Variants in MLLT3 observed in about 807,000 individuals in gnomAD.
MLLT3 encodes the protein MLLT3 super elongation complex subunit.
Under a neutral mutation model 53.2 loss-of-function variants are expected in MLLT3, and 4 were observed. That is an observed-to-expected ratio of 0.08 (90% CI 0.04 to 0.17). MLLT3 has a LOEUF of 0.17. Ranked by LOEUF, MLLT3 falls within the 10% of genes least tolerant of loss-of-function variation. The pLI is 1.00. For missense variants in MLLT3, 569 were observed against 684.0 expected, an observed-to-expected ratio of 0.83 and a Z score of 1.87; for synonymous variants, 283 against 230.6, an observed-to-expected ratio of 1.23 and a Z score of -2.06.
intron 2 of MLLT3, among the ~76,000 whole-genome samples, chr9:20,504,350 T>TTG (rs71334530): frequency 0.021 from 3,146 of 149,054 alleles, 89 homozygotes; most frequent in East Asian, 0.15. Flanking sequence ...CCCAATGGAA[T>TTG]TGTGTGTGTG....
chr9:20,514,046 T>C (rs983127228), intron 2 of MLLT3, among the ~76,000 whole-genome samples: 2 of 151,780 alleles, frequency 1.3e-5, no homozygotes, highest in African/African-American at 4.8e-5. Context: ...AGTGGGTAGG[T>C]GGTCCTCTCC....
chr9:20,583,469 C>A (rs531444762), intron 2 of MLLT3, among the ~76,000 whole-genome samples: 12 of 152,260 alleles, frequency 7.9e-5, no homozygotes, highest in African/African-American at 2.9e-4. Context: ...GGGCTCCGAC[C>A]CCACATTTCT....
At chr9:20,512,556 A>T (rs1451962860) in intron 2 of MLLT3, among the ~76,000 whole-genome samples, 4 of 152,232 alleles carry the variant, frequency 2.6e-5, no homozygotes, top group African/African-American at 4.8e-5. Context: ...TATACATTAT[A>T]AACAGCATCT....
Position 20,341,941 on chromosome 9 carries a change from A to T in MLLT3, c.*4502T>A, listed in dbSNP as rs958421283. 1 of 200,896 alleles carries T rather than the reference A, an allele frequency of 5.0e-6. No individual in the cohort carries two copies. The highest frequency in any genetic ancestry group is 6.0e-5 in the Admixed American group (1 of 16,638). 12.4% of individuals were successfully genotyped at this position (200,896 alleles called of 1,614,324 possible). ...TTGCAGAGTTTTAAAAATATTATATATATACTGGCTTTAGGACACAGAAGA... is the reference window on the plus strand; with the variant it reads ...TTGCAGAGTTTTAAAAATATTATATTTATACTGGCTTTAGGACACAGAAGA... On this transcript the variant is annotated 3_prime_UTR_variant, in exon 11 of 11. Transcript: ENST00000380338.
chr9:20,532,138 C>T (rs1818355503), intron 2 of MLLT3, among the ~76,000 whole-genome samples: 1 of 152,116 alleles, frequency 6.6e-6, no homozygotes, highest in South Asian at 2.1e-4. Flanking sequence ...TAAACCTTAT[C>T]AGCCATCATT....
chr9:20,354,458 G>T (rs1821114619), intron 9 of MLLT3, among the ~76,000 whole-genome samples: 1 of 152,238 alleles, frequency 6.6e-6, no homozygotes, highest in Non-Finnish European at 1.5e-5. Flanking sequence ...CACACTCTGG[G>T]AAAGCACACT....
chr9:20,542,236 ATATTT>A (rs1309988069), intron 2 of MLLT3, among the ~76,000 whole-genome samples: 14 of 136,812 alleles, frequency 1.0e-4, no homozygotes, highest in East Asian at 2.2e-4. Flanking sequence ...ATGAGCAGTA[ATATTT>A]TTTTTTTTTT....
intron 2 of MLLT3, among the ~76,000 whole-genome samples, chr9:20,550,607 A>G (rs1243443757): frequency 1.3e-5 from 2 of 152,004 alleles, no homozygotes; most frequent in African/African-American, 2.4e-5. Flanking sequence ...TTTTTTATAG[A>G]CAGAGTCTCA....
chr9:20,450,895 C>T (rs1347095157), intron 3 of MLLT3, among the ~76,000 whole-genome samples: 1 of 152,164 alleles, frequency 6.6e-6, no homozygotes, highest in East Asian at 1.9e-4. Context: ...ACTGGTAAAG[C>T]CTTTTTGGTA....
At chr9:20,474,544 G>C (rs1824474911) in intron 2 of MLLT3, among the ~76,000 whole-genome samples, 1 of 151,986 alleles carries the variant, frequency 6.6e-6, no homozygotes, top group Non-Finnish European at 1.5e-5. Context: ...ACCACCAAAA[G>C]ACTCTGCCTT....
chr9:20,622,010 G>A, intron 1 of MLLT3: 7 of 1,382,680 alleles, frequency 5.1e-6, no homozygotes, highest in Non-Finnish European at 6.5e-6. Flanking sequence ...GGGGGGTGGA[G>A]GGGCGAGTGT....
intron 2 of MLLT3, among the ~76,000 whole-genome samples, chr9:20,595,794 T>C (rs1452138901): frequency 6.6e-6 from 1 of 152,190 alleles, no homozygotes; most frequent in African/African-American, 2.4e-5. Context: ...ATTCTTTTCC[T>C]CTACTTTTTA....
intron 2 of MLLT3, among the ~76,000 whole-genome samples, chr9:20,468,556 T>A (rs1397245467): frequency 6.6e-6 from 1 of 152,140 alleles, no homozygotes; most frequent in Non-Finnish European, 1.5e-5. Flanking sequence ...AACAAATGAG[T>A]AGAAAATGGA....
intron 2 of MLLT3, among the ~76,000 whole-genome samples, chr9:20,481,581 G>A (rs1323407688): frequency 6.6e-6 from 1 of 152,100 alleles, no homozygotes. Context: ...CTGTGACTGA[G>A]GAACCTACTG....
intron 2 of MLLT3, among the ~76,000 whole-genome samples, chr9:20,587,186 C>CAAA (rs11393182): frequency 6.6e-5 from 7 of 106,242 alleles, no homozygotes; most frequent in Admixed American, 1.0e-4. Flanking sequence ...ATAGCTAGGC[C>CAAA]AAAAAAAAAA....
chr9:20,612,312 C>A (rs181145893), intron 2 of MLLT3, among the ~76,000 whole-genome samples: 2 of 152,222 alleles, frequency 1.3e-5, no homozygotes, highest in Admixed American at 1.3e-4. Context: ...TCTAAAAAGA[C>A]ACAGCACACT....
intron 2 of MLLT3, among the ~76,000 whole-genome samples, chr9:20,483,296 G>A (rs1002921410): frequency 1.2e-4 from 18 of 151,892 alleles, no homozygotes; most frequent in Middle Eastern, 3.4e-3. Context: ...GTGCAGTGGT[G>A]CAGTCATGGC....
intron 4 of MLLT3, among the ~76,000 whole-genome samples, chr9:20,425,690 A>G (rs1823123547): frequency 6.6e-6 from 1 of 152,082 alleles, no homozygotes; most frequent in Non-Finnish European, 1.5e-5. Flanking sequence ...CTAAGATTGC[A>G]CTTTGAGTTA....
At chr9:20,622,047 G>C (rs2131220602) in intron 1 of MLLT3, 198 bp downstream of exon 1, 1 of 520,218 alleles carries the variant, frequency 1.9e-6, no homozygotes, top group South Asian at 9.1e-5. Flanking sequence ...GTGTGTGTCT[G>C]TGTGTCTGTG....
Sources: gnomAD v4.1 joint callset for allele counts (sites outside exome capture counted in the v4.1 genomes callset) on GRCh38, gnomAD v4.1.1 for gene constraint, MANE v1.5 for transcripts, NCBI Gene and HGNC (gene_info 2026-07-23, HGNC 2026-07-21) for gene names.